GSTM2: variants seen among roughly 807,000 people sequenced by gnomAD.
GSTM2 encodes GST class-mu 2.
GSTM2 carries 33 observed loss-of-function variants against 33.3 expected under a neutral mutation model. That is an observed-to-expected ratio of 0.99 (90% confidence interval 0.75 to 1.33). The LOEUF is 1.33. GSTM2 is among the 40% of genes most tolerant of loss of function. The probability of loss-of-function intolerance (pLI) is 0.00; values close to 1 mark genes in which losing one functional copy is unlikely to be tolerated. For missense variants in GSTM2, 213 were observed against 265.8 expected, an observed-to-expected ratio of 0.80 and a Z score of 1.38; for synonymous variants, 93 against 95.6, an observed-to-expected ratio of 0.97 and a Z score of 0.16.
rs755112410 is a variant in GSTM2 at position 109,674,811 on chromosome 1, A to G, written c.632A>G (p.Lys211Arg). Reference protein sequence around the residue: ...SRFLPRPVFTKMAVWGNK With the variant: ...SRFLPRPVFTRMAVWGNK Reference sequence around the variant, plus strand: ...TTCCTCCCAAGACCTGTGTTCACAAAGATGGCTGTCTGGGGCAACAAGTAG... The same window carrying G: ...TTCCTCCCAAGACCTGTGTTCACAAGGATGGCTGTCTGGGGCAACAAGTAG... The change falls in exon 8 of 8, where the codon AAG becomes AGG. Residue 211 changes from lysine to arginine, a missense_variant. Physicochemically the swap from Lys to Arg is conservative, Grantham distance 26. Transcript: ENST00000241337. 6.2e-7 allele frequency: 1 copy of G among 1,614,220 alleles called. No individual in the cohort carries two copies. Among genetic ancestry groups the G allele is most frequent in the Non-Finnish European group, 8.5e-7 (1 of 1,180,038 alleles).
chr1:109,671,261 G>C (rs201799694), intron 5 of GSTM2, 26 bp from the exon 6 acceptor site: 1 of 1,534,390 alleles, frequency 6.5e-7, no homozygotes, highest in Non-Finnish European at 9.0e-7. Flanking sequence ...GTGTCTGAGG[G>C]TGTTGACAGC....
At chr1:109,672,925 A>G (rs898812459) in intron 7 of GSTM2, among the ~76,000 whole-genome samples, 1 of 144,254 alleles carries the variant, frequency 6.9e-6, no homozygotes, top group Non-Finnish European at 1.5e-5. Flanking sequence ...GCCGGAGTGC[A>G]GTGGAGCAAT....
downstream of GSTM2, among the ~76,000 whole-genome samples, chr1:109,677,371 A>G (rs573982756): frequency 6.6e-6 from 1 of 152,348 alleles, no homozygotes; most frequent in Admixed American, 6.5e-5. Flanking sequence ...TTTATTTTAA[A>G]TAGCCAATAA....
intron 2 of GSTM2, 188 bp downstream of exon 2, chr1:109,668,688 T>G: frequency 1.2e-6 from 1 of 810,966 alleles, no homozygotes; most frequent in Non-Finnish European, 2.0e-6. Flanking sequence ...GGCCCCCGTC[T>G]GGGTAATTAT....
intron 2 of GSTM2, 89 bp from the exon 3 acceptor site, chr1:109,668,836 G>C: frequency 6.9e-7 from 1 of 1,457,384 alleles, no homozygotes; most frequent in East Asian, 2.3e-5. Context: ...CTGTCTCAGG[G>C]GTCTTGCCAC....
chr1:109,679,233 G>A (rs1570633114), downstream of GSTM2, among the ~76,000 whole-genome samples: 2 of 152,196 alleles, frequency 1.3e-5, no homozygotes, highest in African/African-American at 4.8e-5. Flanking sequence ...CACTTTGGGA[G>A]GCCGAGGCGG....
chr1:109,673,945 CTGAGTGTCA>C (rs1480716057), intron 7 of GSTM2, among the ~76,000 whole-genome samples: 1 of 152,194 alleles, frequency 6.6e-6, no homozygotes, highest in Non-Finnish European at 1.5e-5. Flanking sequence ...CACAGCACAT[CTGAGTGTCA>C]TGTAGCCTGA....
downstream of GSTM2, among the ~76,000 whole-genome samples, chr1:109,676,546 T>C (rs1647710109): frequency 6.6e-6 from 1 of 152,084 alleles, no homozygotes; most frequent in Admixed American, 6.5e-5. Context: ...AGAGACGGGT[T>C]TTCACCATGT....
At chr1:109,673,015 G>A (rs1212683197) in intron 7 of GSTM2, among the ~76,000 whole-genome samples, 4 of 152,012 alleles carry the variant, frequency 2.6e-5, no homozygotes, top group African/African-American at 9.7e-5. Context: ...GATTACAGGT[G>A]TGTACCACCA....
Position 109,671,345 on chromosome 1 carries a change from A to G in GSTM2, c.419A>G (p.Gln140Arg). The change falls in exon 6 of 8, where the codon CAG becomes CGG. Residue 140 changes from glutamine (Q) to arginine (R), a missense_variant. Coordinates refer to ENST00000241337, the MANE Select transcript of GSTM2 (RefSeq NM_000848.4). ...CCTGAAATGCTGAAGCTCTACTCAC[A>G]GTTTCTGGGGAAGCAGCCATGGTTT... The part of the protein sequence containing the change: ...ALPEMLKLYS[Q>R]FLGKQPWFLG... The G allele has an allele frequency of 1.9e-6, 3 of 1,614,084 alleles. No individual in the cohort carries two copies. The South Asian group carries it at 3.3e-5, about 18-fold the overall frequency.
At chr1:109,680,357 C>T (rs1367141307) in intron 7 of GSTM2, among the ~76,000 whole-genome samples, 1 of 150,676 alleles carries the variant, frequency 6.6e-6, no homozygotes, top group Non-Finnish European at 1.5e-5. Context: ...CAAGATAAAA[C>T]GCTGCAGCAT....
At position 109,668,334 on chromosome 1, in the gene GSTM2, G is replaced by C. The variant is rs534186110; in HGVS notation, c.37-91G>C. 434 of 1,466,400 alleles carry C rather than the reference G, an allele frequency of 3.0e-4. 1 individual carries two copies. The highest frequency in any genetic ancestry group is 3.9e-4 in the Non-Finnish European group (411 of 1,047,156). 90.8% of individuals were successfully genotyped at this position (1,466,400 alleles called of 1,614,324 possible). On this transcript the variant is annotated intron_variant, in intron 1 of 7. Transcript: ENST00000241337. ...GGGTGGGGGCGGGTGAGGCAGGAACGAGAGGAGGAGATGGGGCTCCCCTTG... is the reference window on the plus strand; with the variant it reads ...GGGTGGGGGCGGGTGAGGCAGGAACCAGAGGAGGAGATGGGGCTCCCCTTG...
chr1:109,670,965 C>T (rs1298160225), intron 5 of GSTM2: 1 of 296,780 alleles, frequency 3.4e-6, no homozygotes, highest in East Asian at 5.9e-5. Context: ...CTTGATTCTG[C>T]TCATATCTGG....
intron 7 of GSTM2, 50 bp downstream of exon 7, chr1:109,671,633 C>A: frequency 9.9e-7 from 1 of 1,015,178 alleles, no homozygotes; most frequent in Non-Finnish European, 1.6e-6. Context: ...CCTTTCCCTC[C>A]TTTGTGATGC....
chr1:109,673,461 GT>G, intron 7 of GSTM2: 1 of 581,536 alleles, frequency 1.7e-6, no homozygotes, highest in Non-Finnish European at 3.0e-6. Flanking sequence ...CCTTGAATCT[GT>G]TTCCCTTTTC....
At chr1:109,676,035 C>T (rs1333014053), downstream of GSTM2, among the ~76,000 whole-genome samples, 4 of 152,174 alleles carry the variant, frequency 2.6e-5, no homozygotes, top group African/African-American at 9.7e-5. Flanking sequence ...GGCAAGAGGG[C>T]GTGTGCAGGG....
chr1:109,678,739 A>C (rs1478019492), downstream of GSTM2, among the ~76,000 whole-genome samples: 3 of 151,018 alleles, frequency 2.0e-5, no homozygotes, highest in African/African-American at 7.3e-5. Flanking sequence ...CAGCCTGGGC[A>C]ACAGAACAAG....
intron 5 of GSTM2, chr1:109,670,303 G>A (rs1007517571): frequency 6.6e-6 from 1 of 152,170 alleles, no homozygotes; most frequent in Non-Finnish European, 1.5e-5. Flanking sequence ...TGGCTAGGCA[G>A]AAAAGTTCTC....
rs755479703 is a variant in GSTM2 at position 109,669,322 on chromosome 1, C to T, written c.210C>T (p.Ile70=). ...ACTTGATTGATGGGACTCACAAGAT[C>T]ACCCAGAGCAACGCCATCCTGCGGT... ...LPYLIDGTHK[I]TQSNAILRYI... is the part of the protein sequence containing the mutation. The change falls in exon 4 of 8, where the codon ATC becomes ATT. Residue 70 remains isoleucine, a synonymous_variant. Transcript: ENST00000241337. 5.6e-6 allele frequency: 9 copies of T among 1,614,108 alleles called. No individual in the cohort carries two copies. The East Asian group carries it at 1.8e-4, about 32-fold the overall frequency.
Sources: gnomAD v4.1 joint callset for allele counts (sites outside exome capture counted in the v4.1 genomes callset) on GRCh38, gnomAD v4.1.1 for gene constraint, MANE v1.5 for transcripts, NCBI Gene and HGNC (gene_info 2026-07-23, HGNC 2026-07-21) for gene names.